AFG2A: variants seen among roughly 807,000 people sequenced by gnomAD.
AFG2A encodes AAA ATPase AFG2A.
chr4:123,154,331 A>G, the AFG2A span, among the ~76,000 whole-genome samples: 6 of 152,180 alleles, frequency 3.9e-5, no homozygotes, highest in Admixed American at 2.6e-4. Context: ...ACATGACAAT[A>G]TTGCCACAGA....
At chr4:122,933,992 T>C in the AFG2A span, 1 of 1,284,360 alleles carries the variant, frequency 7.8e-7, no homozygotes, top group Admixed American at 2.6e-5. Context: ...ATACTCTGTC[T>C]TTGATTTAGT....
the AFG2A span, among the ~76,000 whole-genome samples, chr4:123,054,180 A>C: frequency 6.6e-6 from 1 of 152,190 alleles, no homozygotes; most frequent in Admixed American, 6.5e-5. Flanking sequence ...AGACAGGGCT[A>C]CTTCTGGGCT....
At chr4:122,947,210 TTA>T in the AFG2A span, 1 of 1,506,236 alleles carries the variant, frequency 6.6e-7, no homozygotes, top group African/African-American at 1.4e-5. Flanking sequence ...AAAAATAAAT[TTA>T]TTTTCATTTT....
the AFG2A span, among the ~76,000 whole-genome samples, chr4:123,289,646 TC>T: frequency 3.9e-5 from 6 of 152,198 alleles, no homozygotes; most frequent in Admixed American, 2.6e-4. Context: ...GTATAAGCAT[TC>T]CCTTTTCTCT....
At chr4:123,056,872 G>A in the AFG2A span, among the ~76,000 whole-genome samples, 2 of 152,030 alleles carry the variant, frequency 1.3e-5, no homozygotes, top group South Asian at 2.1e-4. Flanking sequence ...TGTAGAAATC[G>A]AGGCTTACAG....
At chr4:123,240,455 G>A in the AFG2A span, among the ~76,000 whole-genome samples, 1 of 152,152 alleles carries the variant, frequency 6.6e-6, no homozygotes, top group Non-Finnish European at 1.5e-5. Flanking sequence ...AATGAAATTA[G>A]AACTCAGGAT....
the AFG2A span, among the ~76,000 whole-genome samples, chr4:122,943,175 A>G: frequency 6.6e-6 from 1 of 152,118 alleles, no homozygotes; most frequent in African/African-American, 2.4e-5. Context: ...GCTGAGTTCA[A>G]TTCCTGGGTA....
chr4:123,133,836 G>A, the AFG2A span, among the ~76,000 whole-genome samples: 12 of 152,166 alleles, frequency 7.9e-5, no homozygotes, highest in African/African-American at 2.9e-4. Flanking sequence ...TCTGACAGAT[G>A]TGAGGTGACA....
chr4:122,995,310 TC>T, the AFG2A span, among the ~76,000 whole-genome samples: 8 of 152,222 alleles, frequency 5.3e-5, no homozygotes, highest in East Asian at 1.5e-3. Context: ...AAATTTGGTT[TC>T]TTTTGATTTG....
chr4:123,076,995 G>C, the AFG2A span, among the ~76,000 whole-genome samples: 1 of 150,700 alleles, frequency 6.6e-6, no homozygotes, highest in African/African-American at 2.4e-5. Context: ...GGGGCGGGGG[G>C]GTTGTGTGGT....
the AFG2A span, among the ~76,000 whole-genome samples, chr4:123,106,309 T>TTA: frequency 6.6e-6 from 1 of 152,202 alleles, no homozygotes; most frequent in African/African-American, 2.4e-5. Flanking sequence ...AACATAGCTT[T>TTA]TATATATATT....
At chr4:123,116,981 A>G in the AFG2A span, among the ~76,000 whole-genome samples, 3 of 152,250 alleles carry the variant, frequency 2.0e-5, no homozygotes, top group African/African-American at 4.8e-5. Flanking sequence ...CCAAAAATCA[A>G]TTATCTTGGT....
chr4:123,291,126 G>T, the AFG2A span, among the ~76,000 whole-genome samples: 1 of 152,086 alleles, frequency 6.6e-6, no homozygotes, highest in Non-Finnish European at 1.5e-5. Flanking sequence ...ATATAAGAAA[G>T]GCTATTACTG....
the AFG2A span, among the ~76,000 whole-genome samples, chr4:123,234,835 C>G: frequency 2.5e-3 from 378 of 152,156 alleles, 2 homozygotes; most frequent in Middle Eastern, 0.014. Flanking sequence ...CCACCACTTA[C>G]CAGCTATGTA....
the AFG2A span, among the ~76,000 whole-genome samples, chr4:122,944,505 C>A: frequency 6.6e-6 from 1 of 152,152 alleles, no homozygotes; most frequent in Non-Finnish European, 1.5e-5. Flanking sequence ...TTAAGCACTT[C>A]TCTGTATTGG....
chr4:123,282,772 T>TA, the AFG2A span, among the ~76,000 whole-genome samples: 205 of 143,646 alleles, frequency 1.4e-3, no homozygotes, highest in South Asian at 7.6e-3. Flanking sequence ...TATTTAAAAT[T>TA]AAAAAAAAAA....
chr4:123,064,580 A>G, the AFG2A span, among the ~76,000 whole-genome samples: 1 of 152,198 alleles, frequency 6.6e-6, no homozygotes, highest in Non-Finnish European at 1.5e-5. Flanking sequence ...TTATTAGTCA[A>G]CCTTGTCTTA....
chr4:123,113,950 G>T, the AFG2A span, among the ~76,000 whole-genome samples: 3 of 151,764 alleles, frequency 2.0e-5, no homozygotes, highest in Non-Finnish European at 4.4e-5. Context: ...TCTGCAGGCA[G>T]GTTGTCCCGA....
chr4:122,930,811 A>G, the AFG2A span, among the ~76,000 whole-genome samples: 1 of 152,234 alleles, frequency 6.6e-6, no homozygotes, highest in Admixed American at 6.5e-5. Flanking sequence ...CCTACAAACT[A>G]GTCAGACCTC....
Sources: gnomAD v4.1 joint callset for allele counts (sites outside exome capture counted in the v4.1 genomes callset) on GRCh38, gnomAD v4.1.1 for gene constraint, MANE v1.5 for transcripts, NCBI Gene and HGNC (gene_info 2026-07-23, HGNC 2026-07-21) for gene names.